ZNF385D: variants seen among roughly 807,000 people sequenced by gnomAD.
The protein encoded by ZNF385D is zinc finger protein 659.
In ZNF385D, 15 loss-of-function variants were observed where a neutral mutation model predicts 35.8. The ratio of observed to expected loss-of-function variants is 0.42; its 90% confidence interval spans 0.28 to 0.64. ZNF385D has a LOEUF of 0.64. Among genes scored for constraint, ZNF385D ranks in the 30% least tolerant of loss-of-function variants. The pLI is 0.23. For synonymous variants in ZNF385D, 212 were observed against 186.8 expected (o/e 1.13, Z -1.10); for missense variants, 474 against 494.6 (o/e 0.96, Z 0.39).
chr3:21,572,477 A>T (rs1028580161), intron 2 of ZNF385D, among the ~76,000 whole-genome samples: 3 of 152,182 alleles, frequency 2.0e-5, no homozygotes, highest in Non-Finnish European at 2.9e-5. Flanking sequence ...GTACCTTGAC[A>T]TGCTGGGTAC....
At chr3:21,783,080 C>T (rs2071554000) in intron 3 of ZNF385D, among the ~76,000 whole-genome samples, 1 of 152,122 alleles carries the variant, frequency 6.6e-6, no homozygotes, top group Admixed American at 6.6e-5. Context: ...CACTACTCTC[C>T]TGATTTTTGG....
intron 1 of ZNF385D, among the ~76,000 whole-genome samples, chr3:21,744,952 G>A (rs529936105): frequency 2.8e-3 from 429 of 152,274 alleles, no homozygotes; most frequent in Non-Finnish European, 5.2e-3. Context: ...GGGAATATCA[G>A]CCTTAGGGAA....
intron 3 of ZNF385D, among the ~76,000 whole-genome samples, chr3:22,001,941 A>G (rs1243257435): frequency 6.6e-6 from 1 of 152,058 alleles, no homozygotes; most frequent in African/African-American, 2.4e-5. Context: ...CAATACAACA[A>G]AAGCAGTAAG....
At chr3:21,824,846 C>T (rs2125745123) in intron 3 of ZNF385D, among the ~76,000 whole-genome samples, 1 of 152,226 alleles carries the variant, frequency 6.6e-6, no homozygotes. Context: ...ACTGTTTTTA[C>T]ACCATAGGGA....
At chr3:22,100,065 A>C (rs1701847476) in intron 3 of ZNF385D, among the ~76,000 whole-genome samples, 1 of 151,446 alleles carries the variant, frequency 6.6e-6, no homozygotes, top group African/African-American at 2.4e-5. Flanking sequence ...TTATGCAGCC[A>C]AAAAACACAT....
At chr3:21,788,287 T>C (rs1308984579) in intron 3 of ZNF385D, among the ~76,000 whole-genome samples, 2 of 152,232 alleles carry the variant, frequency 1.3e-5, no homozygotes, top group Non-Finnish European at 2.9e-5. Context: ...GAGACCAGCC[T>C]GGCCAATGCG....
rs139513418 is a variant in ZNF385D, at chr3:21,989,501, A to G, written c.325+179316T>C. On this transcript the variant is annotated intron_variant, in intron 3 of 5. Coordinates refer to the ZNF385D transcript ENST00000494108. ...TGTAAAAGACAATTATTAGCAAATA[A>G]TTATCATTCTCTCAAAAGGTATGTC... 7.6e-3 allele frequency among the ~76,000 whole-genome samples: 1,163 copies of G among 152,316 alleles called. 16 individuals carry two copies. The highest frequency in any genetic ancestry group is 0.025 in the African/African-American group (1,051 of 41,562).
intron 3 of ZNF385D, among the ~76,000 whole-genome samples, chr3:21,797,834 A>G (rs1467181064): frequency 6.6e-6 from 1 of 152,194 alleles, no homozygotes; most frequent in Non-Finnish European, 1.5e-5. Context: ...AGTGGTTTCC[A>G]GGAATTTGGG....
chr3:21,602,677 C>A (rs567222070), intron 2 of ZNF385D, among the ~76,000 whole-genome samples: 104 of 150,226 alleles, frequency 6.9e-4, no homozygotes, highest in African/African-American at 2.5e-3. Context: ...GGACTACAGG[C>A]GCCCGCCACC....
At chr3:22,341,231 T>C (rs751006534) in intron 2 of ZNF385D, among the ~76,000 whole-genome samples, 29 of 152,232 alleles carry the variant, frequency 1.9e-4, no homozygotes, top group South Asian at 4.1e-4. Context: ...ATTATAATAA[T>C]GCTTTTATCT....
At position 22,050,363 on chromosome 3, in the gene ZNF385D, AAAAC is replaced by A. The variant is rs541971066; in HGVS notation, c.325+118450_325+118453del. On this transcript the variant is annotated intron_variant, in intron 3 of 5. Transcript: ENST00000494108. ...AGTGACAGAGCAAGACTCTGTCAAAAAAACAAACAAACAAACAAACAAAAAAACC... is the reference window on the plus strand; with the variant it reads ...AGTGACAGAGCAAGACTCTGTCAAAAAAACAAACAAACAAACAAAAAAACC... 6.6e-3 allele frequency among the ~76,000 whole-genome samples: 1,008 copies of A among 151,960 alleles called. 15 individuals carry two copies. Among genetic ancestry groups the A allele is most frequent in the Admixed American group, 0.018 (280 of 15,218 alleles).
chr3:22,106,382 C>G (rs1325497867), intron 3 of ZNF385D, among the ~76,000 whole-genome samples: 1 of 149,670 alleles, frequency 6.7e-6, no homozygotes, highest in Admixed American at 6.8e-5. Flanking sequence ...CACTGTTCTC[C>G]TAGGTCCAGC....
chr3:21,806,188 C>CTT (rs913479925), intron 3 of ZNF385D, among the ~76,000 whole-genome samples: 1 of 144,016 alleles, frequency 6.9e-6, no homozygotes, highest in Non-Finnish European at 1.5e-5. Flanking sequence ...TCTTTCCTTT[C>CTT]TTTTTTTTTT....
intron 3 of ZNF385D, among the ~76,000 whole-genome samples, chr3:21,881,725 T>A (rs1698286143): frequency 1.3e-5 from 2 of 152,008 alleles, no homozygotes; most frequent in South Asian, 2.1e-4. Context: ...CTGGGCAATG[T>A]AAACTGAAAA....
intron 2 of ZNF385D, among the ~76,000 whole-genome samples, chr3:22,215,375 T>C (rs1697804275): frequency 1.3e-5 from 2 of 152,044 alleles, no homozygotes; most frequent in South Asian, 2.1e-4. Context: ...TATCGCTGAA[T>C]TCTTTTTCTC....
At chr3:21,915,165 G>A (rs1173114665) in intron 3 of ZNF385D, among the ~76,000 whole-genome samples, 1 of 151,830 alleles carries the variant, frequency 6.6e-6, no homozygotes, top group Non-Finnish European at 1.5e-5. Flanking sequence ...AACTCTAGGT[G>A]CGTTACTTGA....
chr3:21,921,879 T>G (rs536354050), intron 3 of ZNF385D, among the ~76,000 whole-genome samples: 1 of 148,300 alleles, frequency 6.7e-6, no homozygotes, highest in South Asian at 2.1e-4. Context: ...AAAGATGCCC[T>G]AGAACAGATA....
intron 3 of ZNF385D, among the ~76,000 whole-genome samples, chr3:22,126,035 T>C (rs1419712418): frequency 2.6e-5 from 4 of 152,098 alleles, no homozygotes; most frequent in Non-Finnish European, 4.4e-5. Context: ...TTCAGCATGA[T>C]AGTCTCTATG....
intron 2 of ZNF385D, among the ~76,000 whole-genome samples, chr3:22,313,470 A>T (rs1222345854): frequency 2.0e-5 from 3 of 152,186 alleles, no homozygotes. Flanking sequence ...GAAAAATTAA[A>T]TTATGAATAA....
Sources: gnomAD v4.1 joint callset for allele counts (sites outside exome capture counted in the v4.1 genomes callset) on GRCh38, gnomAD v4.1.1 for gene constraint, MANE v1.5 for transcripts, NCBI Gene and HGNC (gene_info 2026-07-23, HGNC 2026-07-21) for gene names.